The following HCN1 variants were observed in gnomAD, a reference collection of about 807,000 sequenced individuals.
The protein encoded by HCN1 is hyperpolarization activated cyclic nucleotide gated potassium channel 1.
HCN1 carries 13 observed loss-of-function variants against 78.9 expected under a neutral mutation model. The ratio of observed to expected loss-of-function variants is 0.16; its 90% CI spans 0.11 to 0.26. The LOEUF is 0.26. HCN1 is among the 10% of genes least tolerant of loss of function. The pLI, the probability that HCN1 is intolerant of heterozygous loss-of-function variation, is 1.00. For synonymous variants in HCN1, 552 were observed against 455.5 expected, an observed-to-expected ratio of 1.21 and a Z score of -2.70; for missense variants, 810 against 1,154.3, an observed-to-expected ratio of 0.70 and a Z score of 4.32.
At chr5:45,619,129 C>G (rs1292778622) in intron 2 of HCN1, among the ~76,000 whole-genome samples, 1 of 151,954 alleles carries the variant, frequency 6.6e-6, no homozygotes, top group Non-Finnish European at 1.5e-5. Context: ...CATCAAACTC[C>G]TAAAGTAGTA....
chr5:45,510,500 A>C (rs1742392652), intron 2 of HCN1, among the ~76,000 whole-genome samples: 1 of 152,106 alleles, frequency 6.6e-6, no homozygotes, highest in Admixed American at 6.6e-5. Context: ...ATTTGATTAG[A>C]GGTAAGTGTC....
At chr5:45,285,836 C>T (rs900583735) in intron 6 of HCN1, among the ~76,000 whole-genome samples, 1 of 152,078 alleles carries the variant, frequency 6.6e-6, no homozygotes, top group Non-Finnish European at 1.5e-5. Context: ...AACATGGTAA[C>T]TGTGACCATG....
intron 1 of HCN1, among the ~76,000 whole-genome samples, chr5:45,669,165 T>C (rs748212063): frequency 1.4e-4 from 21 of 151,692 alleles, no homozygotes; most frequent in Non-Finnish European, 2.9e-4. Flanking sequence ...GAGCAAGAAA[T>C]TGAGAGAGTT....
intron 2 of HCN1, among the ~76,000 whole-genome samples, chr5:45,623,424 T>C (rs754289704): frequency 1.3e-5 from 2 of 152,176 alleles, no homozygotes; most frequent in African/African-American, 4.8e-5. Context: ...GAGACTTTCA[T>C]AAATAGGTTA....
Position 45,256,881 on chromosome 5 carries a change from C to G in HCN1, c.*5040G>C, listed in dbSNP as rs183572531. ...TGAGCCACCACGCCTGGCCTGAGAA[C>G]TTGCTTTATTTTAGCCAAAATTATT... On this transcript the variant is annotated 3_prime_UTR_variant, in exon 8 of 8. Coordinates refer to ENST00000303230, the MANE Select transcript of HCN1 (RefSeq NM_021072.4). The G allele has an allele frequency of 1.2e-4, 18 of 152,428 alleles. No individual in the cohort carries two copies. Among genetic ancestry groups the G allele is most frequent in the African/African-American group, 4.1e-4 (17 of 41,562 alleles). 9.4% of individuals were successfully genotyped at this position (152,428 alleles called of 1,614,324 possible). A position where few individuals can be genotyped will look rare whatever the true frequency, so the allele number is the denominator to read the frequency against.
At chr5:45,491,936 G>T (rs914442533) in intron 2 of HCN1, among the ~76,000 whole-genome samples, 3 of 152,064 alleles carry the variant, frequency 2.0e-5, no homozygotes, top group African/African-American at 7.2e-5. Context: ...ATATATAAAT[G>T]TCATGTTAAC....
intron 3 of HCN1, among the ~76,000 whole-genome samples, chr5:45,460,420 T>C (rs909407205): frequency 6.6e-6 from 1 of 152,078 alleles, no homozygotes; most frequent in African/African-American, 2.4e-5. Context: ...TACATTTCTG[T>C]TTTTTATAAA....
chr5:45,374,148 A>G, intron 4 of HCN1, among the ~76,000 whole-genome samples: 1 of 119,558 alleles, frequency 8.4e-6, no homozygotes, highest in African/African-American at 3.2e-5. Context: ...TACATATTAT[A>G]TATAATATAC....
intron 3 of HCN1, among the ~76,000 whole-genome samples, chr5:45,460,710 AAAGG>A (rs1024619560): frequency 1.5e-4 from 23 of 152,134 alleles, no homozygotes; most frequent in African/African-American, 5.5e-4. Context: ...ACAAAAAGAA[AAAGG>A]AAGGAAGGAA....
At chr5:45,339,642 T>C (rs1180932911) in intron 5 of HCN1, among the ~76,000 whole-genome samples, 1 of 152,172 alleles carries the variant, frequency 6.6e-6, no homozygotes, top group Non-Finnish European at 1.5e-5. Flanking sequence ...ATCAATATGG[T>C]AGCTCTGTAA....
intron 2 of HCN1, among the ~76,000 whole-genome samples, chr5:45,625,535 GA>G (rs575305048): frequency 1.3e-5 from 2 of 150,066 alleles, no homozygotes; most frequent in Non-Finnish European, 3.0e-5. Context: ...TAAGAGATGG[GA>G]AAAAAAACAT....
chr5:45,350,721 T>C (rs1425162763), intron 5 of HCN1, among the ~76,000 whole-genome samples: 2 of 151,226 alleles, frequency 1.3e-5, no homozygotes, highest in Non-Finnish European at 3.0e-5. Flanking sequence ...AGCATTCTTA[T>C]ACACCAACAA....
At chr5:45,575,998 G>A (rs1366419841) in intron 2 of HCN1, 1 of 151,994 alleles carries the variant, frequency 6.6e-6, no homozygotes, top group African/African-American at 2.4e-5. Context: ...CATCCTAGAT[G>A]TCATTAAGAA....
chr5:45,380,443 G>A (rs1747782948), intron 4 of HCN1, among the ~76,000 whole-genome samples: 1 of 152,070 alleles, frequency 6.6e-6, no homozygotes, highest in Admixed American at 6.6e-5. Flanking sequence ...TGGATATCCA[G>A]CATATGTCTA....
intron 2 of HCN1, among the ~76,000 whole-genome samples, chr5:45,500,206 T>C (rs986677915): frequency 6.6e-6 from 1 of 152,150 alleles, no homozygotes; most frequent in Non-Finnish European, 1.5e-5. Context: ...AAAATTAATA[T>C]TCTAGCTAAG....
intron 1 of HCN1, among the ~76,000 whole-genome samples, chr5:45,660,822 C>A (rs1429381900): frequency 1.5e-5 from 2 of 134,408 alleles, no homozygotes; most frequent in African/African-American, 5.8e-5. Context: ...GAGTGACATA[C>A]AAAGAGACTT....
intron 2 of HCN1, among the ~76,000 whole-genome samples, chr5:45,561,610 A>AC (rs201728729): frequency 6.8e-6 from 1 of 147,784 alleles, no homozygotes; most frequent in Admixed American, 6.8e-5. Flanking sequence ...AAAAAAAAAA[A>AC]CCCAGGTAAG....
chr5:45,274,348 A>G (rs1745012914), intron 6 of HCN1, among the ~76,000 whole-genome samples: 1 of 152,164 alleles, frequency 6.6e-6, no homozygotes, highest in African/African-American at 2.4e-5. Context: ...CAATCAAATC[A>G]TCTCTCTTAA....
rs1414440868 is a variant in HCN1, at chr5:45,435,786, T to A, written c.1011+26060A>T. Among the ~76,000 whole-genome samples the A allele has an allele frequency of 3.9e-5, 6 of 152,114 alleles. No homozygotes were observed. In the East Asian group the frequency reaches 1.2e-3, roughly 29 times the overall value. On this transcript the variant is annotated intron_variant, in intron 3 of 7. Transcript: ENST00000303230. Reference sequence around the variant, plus strand: ...TTAAAGAAGAATCAATTCCCGCAAATATACCAAAAAAAGATACTAGAGATA... The same window carrying A: ...TTAAAGAAGAATCAATTCCCGCAAAAATACCAAAAAAAGATACTAGAGATA...
Sources: allele counts gnomAD v4.1 joint callset (sites outside exome capture counted in the v4.1 genomes callset), GRCh38; gene constraint gnomAD v4.1.1; transcripts MANE v1.5; gene names NCBI Gene and HGNC (gene_info 2026-07-23, HGNC 2026-07-21).